Variants in KCTD8 observed in about 807,000 individuals in gnomAD.
KCTD8 encodes the protein BTB/POZ domain-containing protein KCTD8.
A neutral mutation model predicts 31.5 loss-of-function variants in KCTD8; 27 were observed. That is an observed-to-expected ratio of 0.86 (90% confidence interval 0.63 to 1.18). The LOEUF (loss-of-function observed/expected upper bound fraction) is 1.18, where lower values mean the gene tolerates loss of function less well. Among genes scored for constraint, KCTD8 ranks in the 50% most tolerant of loss-of-function variants. The pLI is 0.00. For synonymous variants in KCTD8, 290 were observed against 280.0 expected (o/e 1.04, Z -0.36); for missense variants, 658 against 647.7 (o/e 1.02, Z -0.17).
rs143708743 is a variant in KCTD8 at position 44,421,596 on chromosome 4, T to C, written c.961+25967A>G. On this transcript the variant is annotated intron_variant, in intron 1 of 1. Transcript: ENST00000360029. ...TTTACTGAGTGTGACATATAGTGTATATATTTCCTTCCAATTGGTGGAATA... is the reference window on the plus strand; with the variant it reads ...TTTACTGAGTGTGACATATAGTGTACATATTTCCTTCCAATTGGTGGAATA... Among the ~76,000 whole-genome samples the C allele has an allele frequency of 4.7e-4, 72 of 152,258 alleles. No homozygotes were observed. The East Asian group carries it at 0.012, about 25-fold the overall frequency.
At chr4:44,363,579 T>C (rs1719555806) in intron 1 of KCTD8, among the ~76,000 whole-genome samples, 1 of 152,184 alleles carries the variant, frequency 6.6e-6, no homozygotes, top group Admixed American at 6.5e-5. Flanking sequence ...TTTGTAATTT[T>C]GCACCAACTT....
chr4:44,393,903 AAGTAAAT>A (rs1344713496), intron 1 of KCTD8, among the ~76,000 whole-genome samples: 1 of 151,884 alleles, frequency 6.6e-6, no homozygotes, highest in Non-Finnish European at 1.5e-5. Flanking sequence ...TATAAAATAA[AAGTAAAT>A]AGTATTTAGT....
chr4:44,292,837 A>G (rs1027843929), intron 1 of KCTD8, among the ~76,000 whole-genome samples: 1 of 152,104 alleles, frequency 6.6e-6, no homozygotes, highest in Non-Finnish European at 1.5e-5. Context: ...TTATCTCATA[A>G]GTACCAGTAA....
intron 1 of KCTD8, among the ~76,000 whole-genome samples, chr4:44,201,212 T>C (rs1260506019): frequency 4.6e-5 from 7 of 152,096 alleles, no homozygotes; most frequent in Non-Finnish European, 8.8e-5. Flanking sequence ...AGAAACAATA[T>C]TGTTAAAATG....
chr4:44,263,934 T>A (rs1716257081), intron 1 of KCTD8, among the ~76,000 whole-genome samples: 1 of 152,232 alleles, frequency 6.6e-6, no homozygotes, highest in Admixed American at 6.5e-5. Context: ...TGCCAGGAAC[T>A]ACCTCCAATC....
At chr4:44,225,261 T>G (rs1375009788) in intron 1 of KCTD8, among the ~76,000 whole-genome samples, 1 of 152,252 alleles carries the variant, frequency 6.6e-6, no homozygotes, top group African/African-American at 2.4e-5. Context: ...TCTATTTGAT[T>G]GGCTTCTAAA....
At chr4:44,181,933 C>T (rs1205079289) in intron 1 of KCTD8, among the ~76,000 whole-genome samples, 2 of 142,066 alleles carry the variant, frequency 1.4e-5, no homozygotes, top group African/African-American at 2.5e-5. Flanking sequence ...GCCCCTCCAC[C>T]CGGCAGCCGC....
At chr4:44,348,308 T>C (rs533662997) in intron 1 of KCTD8, among the ~76,000 whole-genome samples, 27 of 152,266 alleles carry the variant, frequency 1.8e-4, no homozygotes, top group Non-Finnish European at 2.9e-4. Context: ...ATAAATGCAA[T>C]AATGCCGCTA....
intron 1 of KCTD8, among the ~76,000 whole-genome samples, chr4:44,417,152 T>C (rs904640855): frequency 1.2e-4 from 19 of 152,206 alleles, no homozygotes; most frequent in Admixed American, 2.6e-4. Context: ...ACTGTAACCA[T>C]TGTAATACAG....
chr4:44,418,167 A>T (rs1471142530), intron 1 of KCTD8, among the ~76,000 whole-genome samples: 1 of 152,162 alleles, frequency 6.6e-6, no homozygotes, highest in Non-Finnish European at 1.5e-5. Context: ...TTCACAGAGA[A>T]GGCCACCTAA....
intron 1 of KCTD8, among the ~76,000 whole-genome samples, chr4:44,367,426 C>T (rs1020135997): frequency 3.3e-5 from 5 of 152,186 alleles, no homozygotes; most frequent in Non-Finnish European, 5.9e-5. Context: ...TCCTCCATTA[C>T]TGGACCCAGT....
chr4:44,353,901 C>G, intron 1 of KCTD8, among the ~76,000 whole-genome samples: 1 of 152,096 alleles, frequency 6.6e-6, no homozygotes, highest in East Asian at 1.9e-4. Flanking sequence ...TAAGACAGAG[C>G]TACTCCAGTC....
At chr4:44,351,210 G>A in intron 1 of KCTD8, among the ~76,000 whole-genome samples, 1 of 151,968 alleles carries the variant, frequency 6.6e-6, no homozygotes, top group Non-Finnish European at 1.5e-5. Context: ...ATGAAAACAT[G>A]AACTTTGTCT....
At chr4:44,191,225 G>A (rs189211377) in intron 1 of KCTD8, among the ~76,000 whole-genome samples, 17 of 152,200 alleles carry the variant, frequency 1.1e-4, no homozygotes, top group Non-Finnish European at 2.1e-4. Flanking sequence ...TCTTATACCT[G>A]TCTTACTTTA....
At chr4:44,408,380 A>G (rs1162971088) in intron 1 of KCTD8, among the ~76,000 whole-genome samples, 1 of 152,224 alleles carries the variant, frequency 6.6e-6, no homozygotes, top group Non-Finnish European at 1.5e-5. Context: ...ATACTTTTAT[A>G]GCTACTTAAA....
At chr4:44,175,282 A>G (rs367651084) in intron 1 of KCTD8, 32 bp from the exon 2 acceptor site, 79 of 1,293,212 alleles carry the variant, frequency 6.1e-5, no homozygotes, top group Non-Finnish European at 8.1e-5. Context: ...GAAGAAGAGT[A>G]GAACAGTTGA....
chr4:44,340,409 C>T (rs1718865046), intron 1 of KCTD8, among the ~76,000 whole-genome samples: 1 of 151,780 alleles, frequency 6.6e-6, no homozygotes, highest in South Asian at 2.1e-4. Flanking sequence ...CACCATTCTC[C>T]TGCCTCAGTC....
chr4:44,325,257 T>G (rs1215276401), intron 1 of KCTD8, among the ~76,000 whole-genome samples: 1 of 151,708 alleles, frequency 6.6e-6, no homozygotes, highest in Admixed American at 6.6e-5. Context: ...CAGGAGAAAT[T>G]CAAAGTGAAG....
At chr4:44,256,408 C>T (rs1715996602) in intron 1 of KCTD8, among the ~76,000 whole-genome samples, 1 of 151,688 alleles carries the variant, frequency 6.6e-6, no homozygotes, top group Non-Finnish European at 1.5e-5. Context: ...ATATAAAAAG[C>T]TTATAGAAAA....
Sources: allele counts gnomAD v4.1 joint callset (sites outside exome capture counted in the v4.1 genomes callset), GRCh38; gene constraint gnomAD v4.1.1; transcripts MANE v1.5; gene names NCBI Gene and HGNC (gene_info 2026-07-23, HGNC 2026-07-21).